Variants in B3GALT1 observed in about 807,000 individuals in gnomAD.
B3GALT1 encodes beta-1,3-galactosyltransferase 1.
In B3GALT1, 10 loss-of-function variants were observed where a neutral mutation model predicts 23.2. That is an observed-to-expected ratio of 0.43 (90% CI 0.27 to 0.73). The LOEUF is 0.73. Among genes scored for constraint, B3GALT1 ranks in the 30% least tolerant of loss-of-function variants. The pLI is 0.21. For synonymous variants in B3GALT1, 156 were observed against 141.5 expected (o/e 1.10, Z -0.73); for missense variants, 299 against 405.4 (o/e 0.74, Z 2.25).
rs76096672 is a variant in B3GALT1 at position 167,605,369 on chromosome 2, A to C, written c.-409-41540A>C. Among the ~76,000 whole-genome samples, 629 of 152,160 alleles carry C rather than the reference A, an allele frequency of 4.1e-3. 12 individuals carry two copies. In the East Asian group the frequency reaches 0.046, roughly 11 times the overall value. ...CAGCTGGGTGGTTTTCCTCTTCTGC[A>C]TGGTGTTGGCTAAGTCTGTAGTTCT... On this transcript the variant is annotated intron_variant, in intron 2 of 4. Coordinates refer to ENST00000392690, the MANE Select transcript of B3GALT1 (RefSeq NM_020981.4).
At chr2:167,391,204 G>A (rs1299119374) in intron 1 of B3GALT1, among the ~76,000 whole-genome samples, 3 of 152,160 alleles carry the variant, frequency 2.0e-5, no homozygotes, top group Non-Finnish European at 2.9e-5. Flanking sequence ...CATTTCCTCA[G>A]AACACAGCAG....
At chr2:167,537,825 CTTTTTT>C (rs530916294) in intron 2 of B3GALT1, among the ~76,000 whole-genome samples, 5 of 132,936 alleles carry the variant, frequency 3.8e-5, no homozygotes, top group Non-Finnish European at 8.1e-5. Context: ...GATGCTTGTT[CTTTTTT>C]TTTTTTTTTT....
intron 1 of B3GALT1, among the ~76,000 whole-genome samples, chr2:167,344,054 C>T (rs753954721): frequency 2.2e-4 from 34 of 152,132 alleles, no homozygotes; most frequent in Non-Finnish European, 4.3e-4. Flanking sequence ...CACTTATTTC[C>T]ATCTCTTTCT....
At chr2:167,734,438 T>A (rs568124229) in intron 3 of B3GALT1, among the ~76,000 whole-genome samples, 41 of 152,278 alleles carry the variant, frequency 2.7e-4, no homozygotes, top group Admixed American at 7.8e-4. Context: ...AACTTTTCAG[T>A]TTCTGTGGAC....
intron 3 of B3GALT1, among the ~76,000 whole-genome samples, chr2:167,706,907 A>C (rs1686974863): frequency 6.6e-6 from 1 of 152,242 alleles, no homozygotes; most frequent in African/African-American, 2.4e-5. Flanking sequence ...AATCTGACAG[A>C]AGTGAAAGTA....
chr2:167,843,390 G>C (rs1689688869), intron 4 of B3GALT1, among the ~76,000 whole-genome samples: 1 of 152,180 alleles, frequency 6.6e-6, no homozygotes, highest in Admixed American at 6.5e-5. Flanking sequence ...CACTTGACCA[G>C]ATGCCCAGAA....
intron 1 of B3GALT1, among the ~76,000 whole-genome samples, chr2:167,444,174 G>T (rs1014774093): frequency 1.3e-5 from 2 of 152,318 alleles, no homozygotes; most frequent in African/African-American, 4.8e-5. Context: ...TACGTTTATT[G>T]ATTTGCATAT....
At chr2:167,340,202 A>T (rs1028319401) in intron 1 of B3GALT1, among the ~76,000 whole-genome samples, 1 of 151,630 alleles carries the variant, frequency 6.6e-6, no homozygotes, top group African/African-American at 2.4e-5. Context: ...TTTGACCTTG[A>T]TCATCTCCTC....
chr2:167,574,122 A>G (rs1302940083), intron 2 of B3GALT1, among the ~76,000 whole-genome samples: 1 of 151,708 alleles, frequency 6.6e-6, no homozygotes, highest in African/African-American at 2.4e-5. Flanking sequence ...ATAAGAAAGA[A>G]TATAAATTTC....
At chr2:167,440,633 C>G (rs1453833158) in intron 1 of B3GALT1, among the ~76,000 whole-genome samples, 1 of 151,794 alleles carries the variant, frequency 6.6e-6, no homozygotes, top group Non-Finnish European at 1.5e-5. Flanking sequence ...TTTAGCTTAG[C>G]TATGTCCAAG....
chr2:167,686,610 A>C (rs1686620605), intron 3 of B3GALT1, among the ~76,000 whole-genome samples: 1 of 152,200 alleles, frequency 6.6e-6, no homozygotes, highest in African/African-American at 2.4e-5. Context: ...CATTTTAGTA[A>C]GTTTTAACTC....
chr2:167,870,511 A>C lies in B3GALT1; in HGVS notation c.*491A>C, dbSNP rs1415574896. ...ACATATATTCCCATGTAATGTGTAC[A>C]GTCTTTGCAGTTCCACCAAGAAATG... On this transcript the variant is annotated 3_prime_UTR_variant, in exon 5 of 5. Transcript: ENST00000392690. 2 of 167,620 alleles carry C rather than the reference A, an allele frequency of 1.2e-5. No individual in the cohort carries two copies. The highest frequency in any genetic ancestry group is 2.9e-5 in the Non-Finnish European group (2 of 68,520). 10.4% of individuals were successfully genotyped at this position (167,620 alleles called of 1,614,324 possible). A position where few individuals can be genotyped will look rare whatever the true frequency, so the allele number is the denominator to read the frequency against.
At chr2:167,737,672 T>C (rs2105272528) in intron 3 of B3GALT1, among the ~76,000 whole-genome samples, 1 of 152,370 alleles carries the variant, frequency 6.6e-6, no homozygotes, top group East Asian at 1.9e-4. Context: ...GAAATGAGCC[T>C]GTCAATGGAG....
At chr2:167,433,664 A>G (rs1231918920) in intron 1 of B3GALT1, among the ~76,000 whole-genome samples, 1 of 152,246 alleles carries the variant, frequency 6.6e-6, no homozygotes, top group Non-Finnish European at 1.5e-5. Context: ...TATTGATTTC[A>G]GAATGCAGAT....
chr2:167,855,361 A>G (rs538286113), intron 4 of B3GALT1, among the ~76,000 whole-genome samples: 1 of 152,294 alleles, frequency 6.6e-6, no homozygotes, highest in African/African-American at 2.4e-5. Context: ...TTAGCTATGT[A>G]AAGCTGGGGC....
chr2:167,688,998 AC>A (rs1686664529), intron 3 of B3GALT1, among the ~76,000 whole-genome samples: 1 of 152,138 alleles, frequency 6.6e-6, no homozygotes, highest in African/African-American at 2.4e-5. Flanking sequence ...TGCACACTCC[AC>A]ATTACTTAAA....
intron 1 of B3GALT1, among the ~76,000 whole-genome samples, chr2:167,297,908 T>G (rs1696380788): frequency 6.6e-6 from 1 of 152,118 alleles, no homozygotes; most frequent in East Asian, 1.9e-4. Flanking sequence ...GCCTTCAAGA[T>G]TGCTGCTACC....
intron 2 of B3GALT1, among the ~76,000 whole-genome samples, chr2:167,634,515 G>T (rs892309214): frequency 6.6e-6 from 1 of 151,960 alleles, no homozygotes; most frequent in Non-Finnish European, 1.5e-5. Flanking sequence ...TGATAAAAGG[G>T]ATATCACAAC....
intron 1 of B3GALT1, among the ~76,000 whole-genome samples, chr2:167,335,212 G>T (rs1418552591): frequency 6.6e-6 from 1 of 151,576 alleles, no homozygotes; most frequent in Admixed American, 6.6e-5. Flanking sequence ...GGCGGGGAGG[G>T]GGGAGCGGAA....
Sources: gnomAD v4.1 joint callset for allele counts (sites outside exome capture counted in the v4.1 genomes callset) on GRCh38, gnomAD v4.1.1 for gene constraint, MANE v1.5 for transcripts, NCBI Gene and HGNC (gene_info 2026-07-23, HGNC 2026-07-21) for gene names.